The following SLC12A8 variants were observed in gnomAD, a reference collection of about 807,000 sequenced individuals.
The protein encoded by SLC12A8 is cation-chloride cotransporter 9.
Under a neutral mutation model 75.6 loss-of-function variants are expected in SLC12A8, and 69 were observed. The observed-to-expected ratio is 0.91, with a 90% CI of 0.75 to 1.11. SLC12A8 has a LOEUF of 1.11. SLC12A8 is among the 50% of genes most tolerant of loss of function. SLC12A8 has a pLI of 0.00. For missense variants in SLC12A8, 877 were observed against 896.7 expected (o/e 0.98, Z 0.28); for synonymous variants, 365 against 372.8 (o/e 0.98, Z 0.24).
At chr3:125,084,242 A>C (rs1296649298) in intron 13 of SLC12A8, among the ~76,000 whole-genome samples, 190 bp from the exon 14 acceptor site, 1 of 101,266 alleles carries the variant, frequency 9.9e-6, no homozygotes, top group Non-Finnish European at 1.9e-5. Context: ...AGTATCAAAT[A>C]AAATAAAAAG....
At chr3:125,091,891 AATT>A (rs2107732393) in intron 11 of SLC12A8, among the ~76,000 whole-genome samples, 1 of 152,330 alleles carries the variant, frequency 6.6e-6, no homozygotes, top group East Asian at 1.9e-4. Context: ...TATCATAGAC[AATT>A]ATTTAAAAAG....
At chr3:125,085,429 C>G (rs539414161) in intron 13 of SLC12A8, among the ~76,000 whole-genome samples, 1 of 152,286 alleles carries the variant, frequency 6.6e-6, no homozygotes, top group South Asian at 2.1e-4. Flanking sequence ...GAGGAAGTAA[C>G]CTAGCCAAAT....
Position 125,211,400 on chromosome 3 carries a change from AG to A in SLC12A8, c.-45-7del. On this transcript the variant is annotated splice_polypyrimidine_tract_variant and splice_region_variant and intron_variant, in intron 1 of 13. Transcript: ENST00000469902. Reference sequence around the variant, plus strand: ...ATCTGGACAGGGAGACTGCTCTGGAAGGTAACAGCATCCTTGGTCAGGCTGG... The same window carrying A: ...ATCTGGACAGGGAGACTGCTCTGGAAGTAACAGCATCCTTGGTCAGGCTGG... 1 of 1,464,638 alleles carries A rather than the reference AG, an allele frequency of 6.8e-7. No homozygotes were observed. Among genetic ancestry groups the A allele is most frequent in the Non-Finnish European group, 9.6e-7 (1 of 1,044,192 alleles). 90.7% of individuals were successfully genotyped at this position (1,464,638 alleles called of 1,614,324 possible).
chr3:125,125,826 G>T, intron 6 of SLC12A8: 2 of 514,320 alleles, frequency 3.9e-6, no homozygotes, highest in Non-Finnish European at 5.0e-6. Flanking sequence ...GCTCTTTGTA[G>T]ATTTCCCCTT....
At chr3:125,138,035 G>C (rs1933537250) in intron 5 of SLC12A8, among the ~76,000 whole-genome samples, 1 of 152,142 alleles carries the variant, frequency 6.6e-6, no homozygotes, top group Non-Finnish European at 1.5e-5. Flanking sequence ...TCTTGCTCTA[G>C]GAAATAGTCT....
At position 125,090,994 on chromosome 3, in the gene SLC12A8, T is replaced by A. The variant is rs146679313; in HGVS notation, c.1921+445A>T. On this transcript the variant is annotated intron_variant, in intron 12 of 13. Transcript: ENST00000469902. ...TGTTTTTTGTTTGTCTCATTTGTCC[T>A]TTATTATCTTTTTCTGCCTTATTTT... Among the ~76,000 whole-genome samples the A allele has an allele frequency of 8.1e-4, 124 of 152,328 alleles. 1 individual carries two copies. The highest frequency in any genetic ancestry group is 2.9e-3 in the African/African-American group (121 of 41,586).
intron 6 of SLC12A8, 110 bp from the exon 7 acceptor site, chr3:125,120,796 C>T (rs1344311333): frequency 7.6e-6 from 6 of 793,236 alleles, no homozygotes; most frequent in African/African-American, 6.8e-5. Context: ...GCTGTCCCAC[C>T]GCAAGCCCTC....
chr3:125,153,221 C>T (rs1488254818), intron 5 of SLC12A8, among the ~76,000 whole-genome samples: 1 of 152,154 alleles, frequency 6.6e-6, no homozygotes, highest in Non-Finnish European at 1.5e-5. Context: ...CAACCATGTG[C>T]CCGGTACTTT....
At chr3:125,176,573 C>T (rs886142615) in intron 5 of SLC12A8, among the ~76,000 whole-genome samples, 6 of 152,146 alleles carry the variant, frequency 3.9e-5, no homozygotes, top group African/African-American at 1.4e-4. Flanking sequence ...GCAACCTACT[C>T]ATCTGACAAA....
chr3:125,120,019 G>A (rs1933007491), intron 7 of SLC12A8: 1 of 396,952 alleles, frequency 2.5e-6, no homozygotes, highest in Middle Eastern at 4.1e-4. Context: ...GAGCTGGAGG[G>A]GAGGCTCACT....
At chr3:125,136,068 A>G (rs1334735834) in intron 5 of SLC12A8, among the ~76,000 whole-genome samples, 1 of 152,208 alleles carries the variant, frequency 6.6e-6, no homozygotes, top group African/African-American at 2.4e-5. Flanking sequence ...ATAGACTTTA[A>G]TATAGCTGAA....
chr3:125,107,709 T>G lies in SLC12A8; in HGVS notation c.1477A>C (p.Ser493Arg), dbSNP rs1259105143. 1.9e-6 allele frequency: 3 copies of G among 1,614,032 alleles called. No individual in the cohort carries two copies. Among genetic ancestry groups the G allele is most frequent in the Non-Finnish European group, 2.5e-6 (3 of 1,180,018 alleles). ...NRTPESQKRK[S>R]KKATKQTLQD... is the part of the protein sequence containing the mutation. ...AGGGTCTGCTTGGTGGCCTTCTTGC[T>G]TTTCCTCTTCTGACTTTCTGGGGTC... Residue 493 changes from serine (S) to arginine (R), a missense_variant, in exon 10 of 14, where the codon AGC (serine) becomes CGC (arginine). By Grantham distance (110) the Ser-to-Arg change is moderately radical (BLOSUM62 -1). Coordinates refer to ENST00000469902, the MANE Select transcript of SLC12A8 (RefSeq NM_024628.6).
At chr3:125,152,826 A>T (rs1933959916) in intron 5 of SLC12A8, among the ~76,000 whole-genome samples, 1 of 152,212 alleles carries the variant, frequency 6.6e-6, no homozygotes, top group South Asian at 2.1e-4. Context: ...TCAGAAAAGC[A>T]TATATTGCTG....
At chr3:125,130,255 T>C (rs1933319192) in intron 6 of SLC12A8, among the ~76,000 whole-genome samples, 1 of 152,196 alleles carries the variant, frequency 6.6e-6, no homozygotes, top group African/African-American at 2.4e-5. Flanking sequence ...TGAGCCAGAA[T>C]GTCCAGTGTC....
chr3:125,092,991 T>A (rs993901044), intron 10 of SLC12A8, among the ~76,000 whole-genome samples: 2 of 152,184 alleles, frequency 1.3e-5, no homozygotes, highest in Non-Finnish European at 2.9e-5. Flanking sequence ...AATCCCACCC[T>A]CCTACCTTTC....
chr3:125,103,970 T>G (rs1225097722), intron 10 of SLC12A8, among the ~76,000 whole-genome samples: 1 of 125,526 alleles, frequency 8.0e-6, no homozygotes, highest in African/African-American at 3.1e-5. Flanking sequence ...AGTCAAAAGA[T>G]CAATGGACAT....
chr3:125,088,646 C>G (rs1163659316), intron 12 of SLC12A8, among the ~76,000 whole-genome samples: 1 of 152,098 alleles, frequency 6.6e-6, no homozygotes, highest in Non-Finnish European at 1.5e-5. Flanking sequence ...AAGACAAATG[C>G]AGAGACTTGC....
intron 2 of SLC12A8, among the ~76,000 whole-genome samples, 197 bp downstream of exon 2, chr3:125,211,102 G>T (rs543793562): frequency 2.0e-5 from 3 of 152,172 alleles, no homozygotes; most frequent in Non-Finnish European, 4.4e-5. Context: ...AATGCCAAAG[G>T]TTTTCTGTAT....
In SLC12A8 at chr3:125,179,439, G is replaced by A. The variant is rs548486332; in HGVS notation, c.391-1465C>T. On this transcript the variant is annotated intron_variant, in intron 4 of 13. Coordinates refer to ENST00000469902, the MANE Select transcript of SLC12A8 (RefSeq NM_024628.6). ...GCTGATCATATAAAAGGTGCTCTGG[G>A]AAGCAGGCTCCATGAGTTCCAGCCA... 3.9e-5 allele frequency among the ~76,000 whole-genome samples: 6 copies of A among 152,318 alleles called. No individual in the cohort carries two copies. In the East Asian group the frequency reaches 1.2e-3, roughly 29 times the overall value.
Sources: allele counts gnomAD v4.1 joint callset (sites outside exome capture counted in the v4.1 genomes callset), GRCh38; gene constraint gnomAD v4.1.1; transcripts MANE v1.5; gene names NCBI Gene and HGNC (gene_info 2026-07-23, HGNC 2026-07-21).